CLPTM1: variants seen among roughly 807,000 people sequenced by gnomAD.
The protein encoded by CLPTM1 is putative lipid scramblase CLPTM1.
A neutral mutation model predicts 77.3 loss-of-function variants in CLPTM1; 21 were observed. The observed-to-expected ratio is 0.27, with a 90% CI of 0.19 to 0.39. The LOEUF (loss-of-function observed/expected upper bound fraction) is 0.39. Ranked by LOEUF, CLPTM1 falls within the 10% of genes least tolerant of loss-of-function variation. The pLI, the probability that CLPTM1 is intolerant of heterozygous loss-of-function variation, is 1.00. For missense variants in CLPTM1, 642 were observed against 921.2 expected, an observed-to-expected ratio of 0.70 and a Z score of 3.92; for synonymous variants, 373 against 381.0, an observed-to-expected ratio of 0.98 and a Z score of 0.24.
chr19:44,988,298 C>T (rs1971015529), intron 9 of CLPTM1, 125 bp downstream of exon 9: 1 of 741,094 alleles, frequency 1.3e-6, no homozygotes, highest in African/African-American at 1.7e-5. Flanking sequence ...CCCCACTCTC[C>T]AGAGGCCTAG....
intron 6 of CLPTM1, 126 bp downstream of exon 6, chr19:44,985,429 C>T (rs753363707): frequency 3.3e-5 from 22 of 663,960 alleles, no homozygotes; most frequent in Non-Finnish European, 6.0e-5. Flanking sequence ...CATGCCACCT[C>T]CCCTCCCTGA....
chr19:44,974,391 A>G, intron 3 of CLPTM1, 48 bp from the exon 4 acceptor site: 2 of 1,567,892 alleles, frequency 1.3e-6, no homozygotes, highest in Non-Finnish European at 1.7e-6. Flanking sequence ...CAGCCTGCAG[A>G]GGCTCTGAAG....
rs563475928 is a variant in CLPTM1 at position 44,992,088 on chromosome 19, C to T, written c.1556-145C>T. 7 of 758,470 alleles carry T rather than the reference C, an allele frequency of 9.2e-6. No individual in the cohort carries two copies. The highest frequency in any genetic ancestry group is 5.3e-5 in the East Asian group (2 of 37,400). 47.0% of individuals were successfully genotyped at this position (758,470 alleles called of 1,614,324 possible). Reference sequence around the variant, plus strand: ...CAGAAGGCCCCACCAGTGCAGAGGCCGCTGGTAGAGTGTGCCCAGGTATAG... The same window carrying T: ...CAGAAGGCCCCACCAGTGCAGAGGCTGCTGGTAGAGTGTGCCCAGGTATAG... On this transcript the variant is annotated intron_variant, in intron 12 of 13. Transcript: ENST00000337392. The surrounding 1 kb of genome is among the most constrained non-coding windows in gnomAD (Gnocchi z 7.7).
At position 44,989,054 on chromosome 19, in the gene CLPTM1, G is replaced by A. The variant is rs1024614808; in HGVS notation, c.1132+881G>A. Among the ~76,000 whole-genome samples, 5 of 152,242 alleles carry A rather than the reference G, an allele frequency of 3.3e-5. No individual in the cohort carries two copies. The South Asian group carries it at 8.3e-4, about 25-fold the overall frequency. On this transcript the variant is annotated intron_variant, in intron 9 of 13. Coordinates refer to ENST00000337392, the MANE Select transcript of CLPTM1 (RefSeq NM_001294.4). ...AAGAATTAGCTGGGCATGGCAGCGT[G>A]TGCCTATGGTCTCAGCTACTCGGGA...
chr19:44,984,108 G>C (rs913979117), intron 5 of CLPTM1, among the ~76,000 whole-genome samples: 1 of 152,244 alleles, frequency 6.6e-6, no homozygotes, highest in African/African-American at 2.4e-5. Context: ...AGGAAGTGAG[G>C]CCAACTCCTG....
At chr19:44,968,346 T>A (rs978265702) in intron 2 of CLPTM1, among the ~76,000 whole-genome samples, 3 of 152,256 alleles carry the variant, frequency 2.0e-5, no homozygotes, top group Admixed American at 1.3e-4. Flanking sequence ...GCACATGTGG[T>A]TACCTGGAGT....
chr19:44,965,307 G>A (rs1970609650), intron 2 of CLPTM1, among the ~76,000 whole-genome samples: 1 of 151,574 alleles, frequency 6.6e-6, no homozygotes, highest in Non-Finnish European at 1.5e-5. Flanking sequence ...AGACCATCCT[G>A]GCCAATATGG....
intron 2 of CLPTM1, among the ~76,000 whole-genome samples, chr19:44,972,060 A>G (rs1364291042): frequency 6.6e-6 from 1 of 151,408 alleles, no homozygotes; most frequent in Non-Finnish European, 1.5e-5. Context: ...TAGTAGAGAC[A>G]GGGTTTCACC....
At chr19:44,956,179 G>T (rs1970461495) in intron 1 of CLPTM1, among the ~76,000 whole-genome samples, 1 of 152,192 alleles carries the variant, frequency 6.6e-6, no homozygotes, top group African/African-American at 2.4e-5. Flanking sequence ...GGAGAGACAT[G>T]AAGGTGCTGT....
In CLPTM1 at chr19:44,986,398, GAT is replaced by G. The variant is rs542914806; in HGVS notation, c.673-55_673-54del. 738 of 1,597,648 alleles carry G rather than the reference GAT, an allele frequency of 4.6e-4. 2 individuals are homozygous for G. In the African/African-American group the frequency reaches 9.2e-3, roughly 20 times the overall value. The stretch of plus-strand genomic sequence containing the variant: ...CCTGGGGAGGAAGTGTACAGAGAGT[GAT>G]AGTCCCCGAGCACTTCCACCTGCCT... On this transcript the variant is annotated intron_variant, in intron 6 of 13. Coordinates refer to ENST00000337392, the MANE Select transcript of CLPTM1 (RefSeq NM_001294.4).
rs769225203 is a variant in CLPTM1 at position 44,992,519 on chromosome 19, G to A, written c.1724-92G>A. Reference sequence around the variant, plus strand: ...TGGGGTGCTCAGTCTGAGGGGGCTCGGCCCCGCCCTTGCATCACGCCCTCT... The same window carrying A: ...TGGGGTGCTCAGTCTGAGGGGGCTCAGCCCCGCCCTTGCATCACGCCCTCT... On this transcript the variant is annotated intron_variant, in intron 13 of 13. Transcript: ENST00000337392. This position sits in a 1 kb window ranked among gnomAD's most constrained non-coding sequence, Gnocchi z 7.7. The A allele has an allele frequency of 1.8e-5, 29 of 1,590,194 alleles. No individual in the cohort carries two copies. The highest frequency in any genetic ancestry group is 2.3e-5 in the Non-Finnish European group (27 of 1,164,028).
At chr19:44,977,051 A>C (rs1054107860) in intron 4 of CLPTM1, among the ~76,000 whole-genome samples, 1 of 152,136 alleles carries the variant, frequency 6.6e-6, no homozygotes, top group Non-Finnish European at 1.5e-5. Flanking sequence ...TAGTCCCTGC[A>C]GTGGTGCCCT....
chr19:44,987,169 C>T lies in CLPTM1; in HGVS notation c.794-10C>T, dbSNP rs777498031. The T allele has an allele frequency of 1.0e-5, 16 of 1,603,842 alleles. No individual in the cohort carries two copies. Among genetic ancestry groups the T allele is most frequent in the Admixed American group, 3.4e-5 (2 of 59,494 alleles). ...CGGGCCAAATGGTGCCCCTGCCCCA[C>T]GTGCTGCAGATGTGAAGTTCGACGC... On this transcript the variant is annotated splice_polypyrimidine_tract_variant and intron_variant, in intron 7 of 13. Coordinates refer to ENST00000337392, the MANE Select transcript of CLPTM1 (RefSeq NM_001294.4).
chr19:44,965,182 G>A (rs1449869312), intron 2 of CLPTM1, among the ~76,000 whole-genome samples: 2 of 152,226 alleles, frequency 1.3e-5, no homozygotes, highest in African/African-American at 2.4e-5. Context: ...TGAGATAGAA[G>A]GAATTGCACA....
In CLPTM1 at chr19:44,992,171, C is replaced by T; in HGVS notation, c.1556-62C>T. The stretch of plus-strand genomic sequence containing the variant: ...GGTGAGGGGGCTGGTATGGCCAGTG[C>T]AGAGTGCACAGGGGAGAGGTGGGAG... On this transcript the variant is annotated intron_variant, in intron 12 of 13. Coordinates refer to ENST00000337392, the MANE Select transcript of CLPTM1 (RefSeq NM_001294.4). The surrounding 1 kb of genome is among the most constrained non-coding windows in gnomAD (Gnocchi z 7.7). 3 of 1,573,820 alleles carry T rather than the reference C, an allele frequency of 1.9e-6. No homozygotes were observed. The South Asian group carries it at 3.4e-5, about 18-fold the overall frequency.
chr19:44,960,711 G>A (rs1970531071), intron 1 of CLPTM1, among the ~76,000 whole-genome samples: 2 of 152,202 alleles, frequency 1.3e-5, no homozygotes. Flanking sequence ...CTGTGGAGGA[G>A]AGGGCCAGAC....
rs1234182569 is a variant in CLPTM1 at position 44,987,204 on chromosome 19, T to C, written c.819T>C (p.Gly273=). Residue 273 remains glycine, a synonymous_variant, in exon 8 of 14, where the codon GGT becomes GGC. Transcript: ENST00000337392. ...DQYVKFDAVS[G]DYYPIIYFND... is the part of the protein sequence containing the mutation. ...ATGTGAAGTTCGACGCCGTGAGCGGTGACTACTATCCCATCATCTACTTCA... is the reference window on the plus strand; with the variant it reads ...ATGTGAAGTTCGACGCCGTGAGCGGCGACTACTATCCCATCATCTACTTCA... 1.9e-6 allele frequency: 3 copies of C among 1,612,180 alleles called. No homozygotes were observed. The highest frequency in any genetic ancestry group is 1.7e-6 in the Non-Finnish European group (2 of 1,178,402).
At chr19:44,954,656 A>G (rs1014055324), upstream of CLPTM1, 2 of 1,110,822 alleles carry the variant, frequency 1.8e-6, no homozygotes, top group African/African-American at 3.2e-5. Flanking sequence ...CTAATGAAAA[A>G]TTGTGGAATT....
intron 5 of CLPTM1, 84 bp from the exon 6 acceptor site, chr19:44,985,134 T>C: frequency 1.1e-6 from 1 of 910,360 alleles, no homozygotes; most frequent in Non-Finnish European, 1.8e-6. Flanking sequence ...CGTGAGCCGT[T>C]GCTGGTGGGC....
Sources: gnomAD v4.1 joint callset for allele counts (sites outside exome capture counted in the v4.1 genomes callset) on GRCh38, gnomAD v4.1.1 for gene constraint, Gnocchi (gnomAD v3.1) non-coding constraint, MANE v1.5 for transcripts, NCBI Gene and HGNC (gene_info 2026-07-23, HGNC 2026-07-21) for gene names.